JARID2: variants seen among roughly 807,000 people sequenced by gnomAD.
The protein encoded by JARID2 is jumonji and AT-rich interaction domain containing 2.
In JARID2, 21 loss-of-function variants were observed where a neutral mutation model predicts 125.6. The ratio of observed to expected loss-of-function variants is 0.17; its 90% confidence interval spans 0.12 to 0.24. The LOEUF (loss-of-function observed/expected upper bound fraction) is 0.24, where lower values mean the gene tolerates loss of function less well. Ranked by LOEUF, JARID2 falls within the 10% of genes least tolerant of loss-of-function variation. The pLI, the probability that JARID2 is intolerant of heterozygous loss-of-function variation, is 1.00. For missense variants in JARID2, 1,303 were observed against 1,639.6 expected (o/e 0.79, Z 3.55); for synonymous variants, 736 against 661.6 (o/e 1.11, Z -1.73).
intron 3 of JARID2, among the ~76,000 whole-genome samples, chr6:15,440,768 C>T (rs1767411661): frequency 6.6e-6 from 1 of 152,332 alleles, no homozygotes; most frequent in South Asian, 2.1e-4. Context: ...CATCAGAGAG[C>T]TCAAACAGTC....
chr6:15,450,725 G>C (rs1561870782), intron 3 of JARID2, among the ~76,000 whole-genome samples: 1 of 152,218 alleles, frequency 6.6e-6, no homozygotes, highest in South Asian at 2.1e-4. Context: ...AGACCTTTAC[G>C]ATTAGAGGAG....
At chr6:15,259,679 G>A (rs1335183651) in intron 1 of JARID2, among the ~76,000 whole-genome samples, 1 of 152,192 alleles carries the variant, frequency 6.6e-6, no homozygotes, top group Non-Finnish European at 1.5e-5. Context: ...GGGGAGATGA[G>A]GTTATTTTAG....
At chr6:15,333,503 A>G (rs1431033967) in intron 1 of JARID2, among the ~76,000 whole-genome samples, 1 of 152,036 alleles carries the variant, frequency 6.6e-6, no homozygotes, top group African/African-American at 2.4e-5. Flanking sequence ...ATGTTTCTCC[A>G]TGTTCCGTGA....
In JARID2 at chr6:15,438,570, T is replaced by C. The variant is rs1184056823; in HGVS notation, c.324-13436T>C. Among the ~76,000 whole-genome samples, 3 of 152,186 alleles carry C rather than the reference T, an allele frequency of 2.0e-5. No individual in the cohort carries two copies. The East Asian group carries it at 5.8e-4, about 29-fold the overall frequency. On this transcript the variant is annotated intron_variant, in intron 3 of 17. Transcript: ENST00000341776. Reference sequence around the variant, plus strand: ...ATTTTTCTGACAATTCCAACTTCTTTGTTATTGTGGTTCCTCCTGGCAGCC... The same window carrying C: ...ATTTTTCTGACAATTCCAACTTCTTCGTTATTGTGGTTCCTCCTGGCAGCC...
In JARID2 at chr6:15,496,635, T is replaced by TGGCAAGAAGGCCCC; in HGVS notation, c.1414_1427dup (p.Glu477ArgfsTer10). 6.2e-7 allele frequency: 1 copy of TGGCAAGAAGGCCCC among 1,610,242 alleles called. No individual in the cohort carries two copies. On this transcript the variant is annotated frameshift_variant, in exon 7 of 18. Transcript: ENST00000341776. LOFTEE classifies it high-confidence loss of function. The stretch of plus-strand genomic sequence containing the variant: ...GGGCGGCTGGCCCCGCCGAAGGCCC[T>TGGCAAGAAGGCCCC]GGCAAGAAGGCCCCGGCCGAGAGAG...
intron 4 of JARID2, 43 bp downstream of exon 4, chr6:15,452,218 CAT>C (rs1242660571): frequency 3.7e-6 from 6 of 1,606,794 alleles, no homozygotes; most frequent in Non-Finnish European, 5.1e-6. Context: ...GTGGAATCTA[CAT>C]GTAAGCCTGA....
intron 5 of JARID2, among the ~76,000 whole-genome samples, chr6:15,470,900 G>A (rs528860642): frequency 7.6e-4 from 116 of 152,356 alleles, no homozygotes; most frequent in African/African-American, 2.6e-3. Flanking sequence ...GACCTGGAAA[G>A]ACCTGGGCAC....
intron 2 of JARID2, among the ~76,000 whole-genome samples, chr6:15,384,273 G>T (rs1764699568): frequency 6.6e-6 from 1 of 152,078 alleles, no homozygotes; most frequent in Admixed American, 6.5e-5. Context: ...TATTTGTAGA[G>T]ATGGGGTCTC....
chr6:15,469,216 A>G (rs1377167537), intron 5 of JARID2, among the ~76,000 whole-genome samples: 1 of 151,034 alleles, frequency 6.6e-6, no homozygotes, highest in Admixed American at 6.6e-5. Flanking sequence ...AAAGAAACTC[A>G]TCTTATGTGG....
At chr6:15,352,635 G>T (rs1763468909) in intron 1 of JARID2, among the ~76,000 whole-genome samples, 1 of 152,146 alleles carries the variant, frequency 6.6e-6, no homozygotes, top group Admixed American at 6.6e-5. Flanking sequence ...ACATGAAGTT[G>T]TCTGAGTGTC....
Position 15,421,055 on chromosome 6 carries a change from T to C in JARID2, c.323+10690T>C, listed in dbSNP as rs1006980356. Among the ~76,000 whole-genome samples the C allele has an allele frequency of 3.9e-5, 6 of 152,336 alleles. No homozygotes were observed. The South Asian group carries it at 8.3e-4, about 21-fold the overall frequency. The stretch of plus-strand genomic sequence containing the variant: ...TTGTCTGTGTGGCTCTGGCCTCTGC[T>C]GTGCTCTGCCTTACACATTATATCA... On this transcript the variant is annotated intron_variant, in intron 3 of 17. Coordinates refer to ENST00000341776, the MANE Select transcript of JARID2 (RefSeq NM_004973.4).
chr6:15,264,494 T>C (rs1760003927), intron 1 of JARID2, among the ~76,000 whole-genome samples: 1 of 152,174 alleles, frequency 6.6e-6, no homozygotes, highest in Non-Finnish European at 1.5e-5. Flanking sequence ...GCTCAGGTCA[T>C]TAGTTTGGCT....
At chr6:15,261,270 A>G (rs1232273684) in intron 1 of JARID2, among the ~76,000 whole-genome samples, 4 of 149,682 alleles carry the variant, frequency 2.7e-5, no homozygotes, top group Admixed American at 2.7e-4. Flanking sequence ...GGCATTATAT[A>G]CGGTCTATGA....
chr6:15,330,363 C>G (rs1762668455), intron 1 of JARID2, among the ~76,000 whole-genome samples: 1 of 152,190 alleles, frequency 6.6e-6, no homozygotes, highest in Non-Finnish European at 1.5e-5. Context: ...CATCCTGCGC[C>G]AGCATTGGAA....
chr6:15,266,750 TTG>T (rs1174029923), intron 1 of JARID2, among the ~76,000 whole-genome samples: 1 of 152,154 alleles, frequency 6.6e-6, no homozygotes, highest in African/African-American at 2.4e-5. Context: ...GCATATCTGA[TTG>T]TGTGTGTTTG....
intron 1 of JARID2, among the ~76,000 whole-genome samples, chr6:15,256,645 G>C (rs544714021): frequency 6.6e-6 from 1 of 151,914 alleles, no homozygotes; most frequent in African/African-American, 2.4e-5. Context: ...TCCTCTACTT[G>C]CTTGGTGAAT....
At chr6:15,391,741 T>G (rs1765017673) in intron 2 of JARID2, among the ~76,000 whole-genome samples, 1 of 152,210 alleles carries the variant, frequency 6.6e-6, no homozygotes, top group Non-Finnish European at 1.5e-5. Flanking sequence ...TACCAGTAAC[T>G]GGGTGTCTAG....
intron 1 of JARID2, among the ~76,000 whole-genome samples, chr6:15,286,381 A>G (rs1360323134): frequency 6.6e-6 from 1 of 151,068 alleles, no homozygotes; most frequent in Non-Finnish European, 1.5e-5. Context: ...CCGCCCGAGT[A>G]GCTGGGATTA....
At chr6:15,272,369 G>A (rs369870461) in intron 1 of JARID2, among the ~76,000 whole-genome samples, 2 of 152,160 alleles carry the variant, frequency 1.3e-5, no homozygotes, top group African/African-American at 4.8e-5. Flanking sequence ...GCAGTGTCAG[G>A]AATTTCTGCG....
Sources: allele counts gnomAD v4.1 joint callset (sites outside exome capture counted in the v4.1 genomes callset), GRCh38; gene constraint gnomAD v4.1.1; transcripts MANE v1.5; gene names NCBI Gene and HGNC (gene_info 2026-07-23, HGNC 2026-07-21).